Variants in SPAG1 observed in about 807,000 individuals in gnomAD.
SPAG1 encodes the protein sperm-associated antigen 1.
SPAG1 carries 69 observed loss-of-function variants against 100.5 expected under a neutral mutation model. The ratio of observed to expected loss-of-function variants is 0.69; its 90% CI spans 0.57 to 0.84. SPAG1 has a LOEUF of 0.84. SPAG1 is among the 40% of genes least tolerant of loss of function. The pLI is 0.00. For missense variants in SPAG1, 955 were observed against 1,133.1 expected, an observed-to-expected ratio of 0.84 and a Z score of 2.26; for synonymous variants, 336 against 411.6, an observed-to-expected ratio of 0.82 and a Z score of 2.22.
At chr8:100,165,489 AG>A in intron 2 of SPAG1, 1 of 367,594 alleles carries the variant, frequency 2.7e-6, no homozygotes, top group East Asian at 7.0e-5. Flanking sequence ...TGGCGCCGGG[AG>A]GAACCCAGAA....
At chr8:100,224,949 CTTTTT>C (rs562849309) in intron 13 of SPAG1, among the ~76,000 whole-genome samples, 1 of 152,054 alleles carries the variant, frequency 6.6e-6, no homozygotes, top group Non-Finnish European at 1.5e-5. Flanking sequence ...TTAAAAATGT[CTTTTT>C]TGTTTTGATT....
chr8:100,233,219 G>A, intron 15 of SPAG1, 192 bp from the exon 16 acceptor site: 14 of 548,022 alleles, frequency 2.6e-5, no homozygotes, highest in South Asian at 2.4e-4. Context: ...CCTCCTTGAG[G>A]GCTGTGACTG....
At chr8:100,190,451 A>G (rs1277082277) in intron 8 of SPAG1, among the ~76,000 whole-genome samples, 2 of 152,164 alleles carry the variant, frequency 1.3e-5, no homozygotes, top group Non-Finnish European at 2.9e-5. Flanking sequence ...TCAGTATTAA[A>G]TAATTACCAA....
intron 5 of SPAG1, 32 bp downstream of exon 5, chr8:100,183,468 TC>T: frequency 1.7e-6 from 2 of 1,143,958 alleles, no homozygotes; most frequent in South Asian, 1.4e-5. Flanking sequence ...ATAAAATGTA[TC>T]ACTAAAAAAG....
At chr8:100,230,953 G>C (rs1211847890) in intron 14 of SPAG1, among the ~76,000 whole-genome samples, 1 of 152,026 alleles carries the variant, frequency 6.6e-6, no homozygotes, top group Non-Finnish European at 1.5e-5. Context: ...GAAAATAATA[G>C]TATCATAATT....
chr8:100,162,676 G>A (rs1222339498), intron 2 of SPAG1, among the ~76,000 whole-genome samples: 2 of 152,158 alleles, frequency 1.3e-5, no homozygotes, highest in African/African-American at 2.4e-5. Context: ...AGGTAAAGTA[G>A]CTGTGAAAGC....
chr8:100,213,076 C>T lies in SPAG1; in HGVS notation c.1097-14C>T, dbSNP rs1586495225. The T allele has an allele frequency of 5.5e-6, 8 of 1,451,670 alleles. No individual in the cohort carries two copies. In the East Asian group the frequency reaches 2.1e-4, roughly 39 times the overall value. The allele number at this position is 1,451,670 out of a possible 1,614,324, so 89.9% of individuals were successfully genotyped here. ...TGATGCAAACCCTCACTTCCCGCAT[C>T]CACTTCCTCACAGAGCCCGCGGAGC... On this transcript the variant is annotated splice_polypyrimidine_tract_variant and intron_variant, in intron 10 of 18. Transcript: ENST00000388798.
chr8:100,194,076 G>A (rs910382804), intron 9 of SPAG1, 36 bp from the exon 10 acceptor site: 2 of 1,266,398 alleles, frequency 1.6e-6, no homozygotes, highest in East Asian at 2.4e-5. Flanking sequence ...ATTATTAGAG[G>A]AAAATATTTT....
intron 10 of SPAG1, among the ~76,000 whole-genome samples, chr8:100,195,841 G>T (rs1412979373): frequency 6.6e-6 from 1 of 152,074 alleles, no homozygotes; most frequent in Non-Finnish European, 1.5e-5. Flanking sequence ...CATCACCATA[G>T]TCAGGATACA....
At chr8:100,186,405 T>G (rs1239418120) in intron 7 of SPAG1, among the ~76,000 whole-genome samples, 7 of 152,140 alleles carry the variant, frequency 4.6e-5, no homozygotes, top group Non-Finnish European at 4.4e-5. Flanking sequence ...TATTTGATGT[T>G]AACTTACATC....
chr8:100,233,255 G>A (rs888160050), intron 15 of SPAG1, 156 bp from the exon 16 acceptor site: 1 of 758,694 alleles, frequency 1.3e-6, no homozygotes, highest in African/African-American at 1.8e-5. Context: ...TGTATGCCCA[G>A]TGCCATAATT....
At chr8:100,204,215 C>G (rs890230880) in intron 10 of SPAG1, among the ~76,000 whole-genome samples, 1 of 152,098 alleles carries the variant, frequency 6.6e-6, no homozygotes, top group Non-Finnish European at 1.5e-5. Context: ...TCAGAAGCCA[C>G]CCCCAACAAC....
intron 12 of SPAG1, among the ~76,000 whole-genome samples, chr8:100,214,259 G>GC (rs1343389441): frequency 2.6e-5 from 4 of 152,150 alleles, no homozygotes; most frequent in African/African-American, 9.7e-5. Context: ...TTTCCAACAG[G>GC]CCTTTAATGG....
intron 10 of SPAG1, among the ~76,000 whole-genome samples, chr8:100,203,516 A>G (rs759508579): frequency 5.9e-5 from 9 of 152,324 alleles, no homozygotes; most frequent in Non-Finnish European, 8.8e-5. Context: ...TACTTCTAAT[A>G]GTATGGAGAA....
At chr8:100,201,833 G>A (rs774921030) in intron 10 of SPAG1, among the ~76,000 whole-genome samples, 8 of 152,164 alleles carry the variant, frequency 5.3e-5, no homozygotes. Flanking sequence ...GGAGGTTCCT[G>A]GAAGGTGCCT....
Position 100,239,207 on chromosome 8 carries a change from T to C in SPAG1, c.2116-33T>C, listed in dbSNP as rs756417724. On this transcript the variant is annotated intron_variant, in intron 16 of 18. Transcript: ENST00000388798. The surrounding 1 kb of genome is among the most constrained non-coding windows in gnomAD (Gnocchi z 5.0). ...GGTTACTCTAGGCTCCTTCTATTTA[T>C]GAAAGTTATTTTCTCTGTCTTCCTA... The C allele has an allele frequency of 7.1e-7, 1 of 1,403,424 alleles. No individual in the cohort carries two copies. The highest frequency in any genetic ancestry group is 2.5e-5 in the Admixed American group (1 of 40,664). 86.9% of individuals were successfully genotyped at this position (1,403,424 alleles called of 1,614,324 possible). A position where few individuals can be genotyped will look rare whatever the true frequency, so the allele number is the denominator to read the frequency against.
At position 100,187,260 on chromosome 8, in the gene SPAG1, A is replaced by T. The variant is rs1443246626; in HGVS notation, c.832+10A>T. 1 of 1,593,702 alleles carries T rather than the reference A, an allele frequency of 6.3e-7. No individual in the cohort carries two copies. Among genetic ancestry groups the T allele is most frequent in the African/African-American group, 1.3e-5 (1 of 74,262 alleles). ...CCTGGAAACGTAAAGGGTAAAAAATATTATAGAATTCTTTTACATTTACAG... is the reference window on the plus strand; with the variant it reads ...CCTGGAAACGTAAAGGGTAAAAAATTTTATAGAATTCTTTTACATTTACAG... On this transcript the variant is annotated intron_variant, in intron 8 of 18. Transcript: ENST00000388798.
In SPAG1 at chr8:100,183,985, T is replaced by G. The variant is rs188430751; in HGVS notation, c.518T>G (p.Ile173Ser). 2 of 1,546,964 alleles carry G rather than the reference T, an allele frequency of 1.3e-6. No homozygotes were observed. The highest frequency in any genetic ancestry group is 2.8e-5 in the African/African-American group (2 of 70,666). ...GACGTGGAGAAGGAATGTTTAAAAA[T>G]TGATGAAGATTACAAAGAAAAGACG... ...KFDVEKECLKIDEDYKEKTVI... is the reference protein window; with the variant it reads ...KFDVEKECLKSDEDYKEKTVI... The change falls in exon 6 of 19, where the codon ATT becomes AGT. Residue 173 changes from isoleucine to serine, a missense_variant. Coordinates refer to ENST00000388798, the MANE Select transcript of SPAG1 (RefSeq NM_003114.5).
chr8:100,241,505 A>G lies in SPAG1; in HGVS notation c.*483A>G, dbSNP rs1307355524. On this transcript the variant is annotated 3_prime_UTR_variant, in exon 19 of 19. Transcript: ENST00000388798. The surrounding 1 kb of genome is among the most constrained non-coding windows in gnomAD (Gnocchi z 5.1). ...TTACAGTCAGTTAAAATGAAATGCA[A>G]CACTGAAGTCTATAACATGAAATGA... is the stretch of plus-strand genomic sequence containing the variant. 2.0e-5 allele frequency: 3 copies of G among 152,236 alleles called. No individual in the cohort carries two copies. In the East Asian group the frequency reaches 5.8e-4, roughly 29 times the overall value. The allele number at this position is 152,236 out of a possible 1,614,324, so 9.4% of individuals were successfully genotyped here. A position where few individuals can be genotyped will look rare whatever the true frequency, so the allele number is the denominator to read the frequency against.
Sources: allele counts gnomAD v4.1 joint callset (sites outside exome capture counted in the v4.1 genomes callset), GRCh38; gene constraint gnomAD v4.1.1; non-coding constraint Gnocchi (gnomAD v3.1); transcripts MANE v1.5; gene names NCBI Gene and HGNC (gene_info 2026-07-23, HGNC 2026-07-21).